TRIM5: variants seen among roughly 807,000 people sequenced by gnomAD.
The protein encoded by TRIM5 is tripartite motif-containing protein 5.
A neutral mutation model predicts 35.6 loss-of-function variants in TRIM5; 31 were observed. That is an observed-to-expected ratio of 0.87 (90% CI 0.65 to 1.18). TRIM5 has a LOEUF of 1.18. Among genes scored for constraint, TRIM5 ranks in the 50% most tolerant of loss-of-function variants. TRIM5 has a pLI of 0.00. For missense variants in TRIM5, 609 were observed against 591.6 expected, an observed-to-expected ratio of 1.03 and a Z score of -0.31; for synonymous variants, 243 against 215.6, an observed-to-expected ratio of 1.13 and a Z score of -1.11.
At chr11:5,669,461 A>C (rs12271333) in intron 4 of TRIM5, among the ~76,000 whole-genome samples, 24,975 of 152,038 alleles carry the variant, frequency 0.16, 2,293 homozygotes, top group African/African-American at 0.24. Context: ...ATATGTACCA[A>C]TGCAATGTCT....
chr11:5,669,329 C>T (rs1019783709), intron 4 of TRIM5, among the ~76,000 whole-genome samples: 7 of 152,196 alleles, frequency 4.6e-5, no homozygotes, highest in African/African-American at 1.7e-4. Flanking sequence ...ATCCGCCTGC[C>T]TCAGCCTCCC....
chr11:5,679,132 T>C lies in TRIM5; in HGVS notation c.455A>G (p.Lys152Arg). Residue 152 changes from lysine to arginine, a missense_variant, in exon 3 of 8, where the codon AAG (lysine) becomes AGG (arginine). Coordinates refer to ENST00000380034, the MANE Select transcript of TRIM5 (RefSeq NM_033034.3). Reference protein sequence around the residue: ...LQAALEMLRQKQQEAEELEAD... With the variant: ...LQAALEMLRQRQQEAEELEAD... ...TTCTAACTCTTCAGCTTCCTGCTGCTTCTGCCTCAGCATCTCCAGAGCTGC... is the reference window on the plus strand; with the variant it reads ...TTCTAACTCTTCAGCTTCCTGCTGCCTCTGCCTCAGCATCTCCAGAGCTGC... The C allele has an allele frequency of 6.2e-7, 1 of 1,614,150 alleles. No individual in the cohort carries two copies. Among genetic ancestry groups the C allele is most frequent in the Non-Finnish European group, 8.5e-7 (1 of 1,179,984 alleles).
chr11:5,662,719 A>T (rs1025247352), downstream of TRIM5, among the ~76,000 whole-genome samples: 1 of 152,246 alleles, frequency 6.6e-6, no homozygotes, highest in African/African-American at 2.4e-5. Flanking sequence ...TGTGATTTTT[A>T]ACTTAGTTCT....
the TRIM5 span, among the ~76,000 whole-genome samples, chr11:5,595,653 C>T: frequency 6.6e-6 from 1 of 152,026 alleles, no homozygotes; most frequent in African/African-American, 2.4e-5. Context: ...CTGGTGTTCT[C>T]AAAGGCCTCC....
At chr11:5,680,340 A>G (rs1852338132) in intron 1 of TRIM5, 102 bp from the exon 2 acceptor site, 11 of 718,912 alleles carry the variant, frequency 1.5e-5, no homozygotes, top group Non-Finnish European at 2.1e-5. Flanking sequence ...GAAAATAATT[A>G]AGGACAAAAA....
Position 5,678,316 on chromosome 11 carries a change from A to C in TRIM5, c.632T>G (p.Leu211Arg), listed in dbSNP as rs772828896. 3 of 1,614,144 alleles carry C rather than the reference A, an allele frequency of 1.9e-6. No homozygotes were observed. The highest frequency in any genetic ancestry group is 2.5e-6 in the Non-Finnish European group (3 of 1,179,982). Reference protein sequence around the residue: ...QNLEKEEEDILKSLTNSETEM... With the variant: ...QNLEKEEEDIRKSLTNSETEM... The stretch of plus-strand genomic sequence containing the variant: ...AGTTTCAGAGTTCGTAAGGCTTTTC[A>C]GAATGTCTTCCTCCTCCTTCTCCAG... Residue 211 changes from leucine (L) to arginine (R), a missense_variant, in exon 4 of 8, where the codon CTG (leucine) becomes CGG (arginine). Physicochemically the swap from Leu to Arg is moderately radical, Grantham distance 102. Coordinates refer to ENST00000380034, the MANE Select transcript of TRIM5 (RefSeq NM_033034.3).
the TRIM5 span, chr11:5,644,509 A>C: frequency 2.8e-6 from 1 of 360,518 alleles, no homozygotes. Flanking sequence ...TGTTAAGACC[A>C]CTCCAATTTT....
At chr11:5,650,782 T>C in the TRIM5 span, among the ~76,000 whole-genome samples, 1 of 152,184 alleles carries the variant, frequency 6.6e-6, no homozygotes, top group African/African-American at 2.4e-5. Context: ...TCGTGGTCCA[T>C]AGTTCAGTGT....
At chr11:5,622,855 GC>G in the TRIM5 span, among the ~76,000 whole-genome samples, 1 of 152,226 alleles carries the variant, frequency 6.6e-6, no homozygotes, top group East Asian at 1.9e-4. Context: ...ACCCATGACA[GC>G]CTCAGGAGGT....
At chr11:5,612,405 A>G in the TRIM5 span, 1 of 144,692 alleles carries the variant, frequency 6.9e-6, no homozygotes, top group Non-Finnish European at 1.6e-5. Flanking sequence ...AAGAGTAGCA[A>G]TAGAACAATA....
At chr11:5,649,510 G>T in the TRIM5 span, among the ~76,000 whole-genome samples, 3 of 152,148 alleles carry the variant, frequency 2.0e-5, no homozygotes, top group Non-Finnish European at 4.4e-5. Context: ...GTTGTTCTAA[G>T]TGTCCTTGAT....
intron 1 of TRIM5, among the ~76,000 whole-genome samples, chr11:5,681,319 C>T (rs1852430907): frequency 6.6e-6 from 1 of 152,208 alleles, no homozygotes; most frequent in South Asian, 2.1e-4. Flanking sequence ...TTTCTGCGTA[C>T]AGGGAGAAGG....
the TRIM5 span, among the ~76,000 whole-genome samples, chr11:5,640,994 C>T: frequency 2.0e-5 from 3 of 151,998 alleles, no homozygotes; most frequent in Non-Finnish European, 4.4e-5. Flanking sequence ...TCCCATCTTT[C>T]ATTCCTGATT....
chr11:5,672,723 T>C (rs972885040), intron 4 of TRIM5, among the ~76,000 whole-genome samples: 38 of 152,308 alleles, frequency 2.5e-4, no homozygotes, highest in African/African-American at 8.9e-4. Flanking sequence ...AGTAATTCAA[T>C]ACTATATTAA....
chr11:5,663,237 T>TA lies in TRIM5; in HGVS notation c.*1571dup. The TA allele has an allele frequency of 2.1e-6, 2 of 950,876 alleles. No homozygotes were observed. Among genetic ancestry groups the TA allele is most frequent in the African/African-American group, 1.8e-5 (1 of 56,702 alleles). 58.9% of individuals were successfully genotyped at this position (950,876 alleles called of 1,614,324 possible). A position where few individuals can be genotyped will look rare whatever the true frequency, so the allele number is the denominator to read the frequency against. ...CTATTCAAAAAACTCGTTTAACTTT[T>TA]AAAAAACTACATCAGCTAATTTTAT... is the stretch of plus-strand genomic sequence containing the variant. On this transcript the variant is annotated 3_prime_UTR_variant, in exon 8 of 8. Coordinates refer to ENST00000380034, the MANE Select transcript of TRIM5 (RefSeq NM_033034.3).
chr11:5,656,493 T>C, the TRIM5 span, among the ~76,000 whole-genome samples: 3 of 152,074 alleles, frequency 2.0e-5, no homozygotes, highest in African/African-American at 7.2e-5. Context: ...TAGCTGGGAT[T>C]ACAGGCATGC....
the TRIM5 span, chr11:5,643,029 TTCG>T: frequency 7.7e-7 from 1 of 1,291,704 alleles, no homozygotes. Flanking sequence ...ACTTCCCAAG[TTCG>T]TTCATCACCA....
chr11:5,634,907 C>T, the TRIM5 span: 714 of 1,581,786 alleles, frequency 4.5e-4, 17 homozygotes, highest in South Asian at 7.6e-3. Context: ...ACAGTTCCCT[C>T]CTGTGTCCTT....
At chr11:5,609,739 G>A in the TRIM5 span, among the ~76,000 whole-genome samples, 3 of 152,132 alleles carry the variant, frequency 2.0e-5, no homozygotes, top group Admixed American at 6.5e-5. Context: ...TGGCTAACAT[G>A]ATGAAACCCT....
Sources: gnomAD v4.1 joint callset for allele counts (sites outside exome capture counted in the v4.1 genomes callset) on GRCh38, gnomAD v4.1.1 for gene constraint, MANE v1.5 for transcripts, NCBI Gene and HGNC (gene_info 2026-07-23, HGNC 2026-07-21) for gene names.